PPP2R2B: variants seen among roughly 807,000 people sequenced by gnomAD.
PPP2R2B encodes the protein protein phosphatase 2 regulatory subunit Bbeta.
In PPP2R2B, 5 loss-of-function variants were observed where a neutral mutation model predicts 46.0. The observed-to-expected ratio is 0.11, with a 90% CI of 0.06 to 0.23. The LOEUF (loss-of-function observed/expected upper bound fraction) is 0.23, where lower values mean the gene tolerates loss of function less well. Among genes scored for constraint, PPP2R2B ranks in the 10% least tolerant of loss-of-function variants. The pLI, the probability that PPP2R2B is intolerant of heterozygous loss-of-function variation, is 1.00. For synonymous variants in PPP2R2B, 215 were observed against 206.7 expected (o/e 1.04, Z -0.34); for missense variants, 367 against 575.0 (o/e 0.64, Z 3.70).
chr5:146,742,869 C>T (rs757839307), intron 2 of PPP2R2B, among the ~76,000 whole-genome samples: 13 of 151,984 alleles, frequency 8.6e-5, no homozygotes, highest in Admixed American at 1.3e-4. Flanking sequence ...CACATGAAGG[C>T]GATGAAGGCG....
Position 146,861,051 on chromosome 5 carries a change from TTTC to T in PPP2R2B, c.70+16948_70+16950del, listed in dbSNP as rs1292746729. Among the ~76,000 whole-genome samples, 14 of 98,550 alleles carry T rather than the reference TTTC, an allele frequency of 1.4e-4. 1 individual carries two copies. Among genetic ancestry groups the T allele is most frequent in the Non-Finnish European group, 1.5e-4 (8 of 52,258 alleles). 64.7% of individuals were successfully genotyped at this position (98,550 alleles called of 152,430 possible). ...CTCTTCCAGCATTCAAACTGAATTT[TTTC>T]TTTTTTTTTTTTTTTTTTTTGAGAC... On this transcript the variant is annotated intron_variant, in intron 2 of 9. Coordinates refer to ENST00000394411, the MANE Select transcript of PPP2R2B (RefSeq NM_181675.4).
intron 4 of PPP2R2B, 76 bp downstream of exon 4, chr5:146,697,903 T>G: frequency 2.1e-6 from 3 of 1,401,844 alleles, no homozygotes; most frequent in Non-Finnish European, 2.9e-6. Context: ...TCAAAGGAAA[T>G]TGAGGTTAAG....
At chr5:146,785,513 A>G (rs1349457752) in intron 2 of PPP2R2B, among the ~76,000 whole-genome samples, 1 of 152,154 alleles carries the variant, frequency 6.6e-6, no homozygotes, top group Non-Finnish European at 1.5e-5. Context: ...GTACCACTGC[A>G]CTCCAGCCTG....
chr5:146,673,003 G>C (rs1561820540), intron 5 of PPP2R2B, among the ~76,000 whole-genome samples: 1 of 152,140 alleles, frequency 6.6e-6, no homozygotes, highest in African/African-American at 2.4e-5. Flanking sequence ...AGACTGTTTG[G>C]AATTTTATTC....
At chr5:146,592,116 C>A in intron 9 of PPP2R2B, 1 of 444,274 alleles carries the variant, frequency 2.3e-6, no homozygotes, top group South Asian at 1.6e-5. Context: ...TCTTATGTCA[C>A]AGTTGCTTTG....
At chr5:146,720,232 T>C (rs776064709) in intron 2 of PPP2R2B, among the ~76,000 whole-genome samples, 1 of 152,102 alleles carries the variant, frequency 6.6e-6, no homozygotes, top group African/African-American at 2.4e-5. Context: ...AGTGCAAGTA[T>C]GGAATGAAAA....
intron 1 of PPP2R2B, among the ~76,000 whole-genome samples, chr5:146,932,458 C>T (rs1763999247): frequency 6.6e-6 from 1 of 152,068 alleles, no homozygotes; most frequent in Admixed American, 6.6e-5. Flanking sequence ...CAGGAGGTCT[C>T]ATGGTTTTAA....
At chr5:147,063,046 A>G (rs1191501719) in intron 2 of PPP2R2B, among the ~76,000 whole-genome samples, 2 of 145,712 alleles carry the variant, frequency 1.4e-5, no homozygotes, top group African/African-American at 5.1e-5. Context: ...AGGAAGGAAG[A>G]GAAGGGAAGG....
At chr5:146,841,458 T>C (rs749513045) in intron 2 of PPP2R2B, among the ~76,000 whole-genome samples, 1 of 152,082 alleles carries the variant, frequency 6.6e-6, no homozygotes, top group Non-Finnish European at 1.5e-5. Context: ...TTTCTGATTG[T>C]GAAAATTCCT....
At chr5:146,933,168 T>C (rs1369262002) in intron 1 of PPP2R2B, among the ~76,000 whole-genome samples, 5 of 152,218 alleles carry the variant, frequency 3.3e-5, no homozygotes, top group African/African-American at 9.6e-5. Flanking sequence ...AGATTTCAAG[T>C]AACAGGGATT....
intron 1 of PPP2R2B, among the ~76,000 whole-genome samples, chr5:146,910,716 A>G (rs962305418): frequency 8.5e-5 from 13 of 152,220 alleles, no homozygotes; most frequent in African/African-American, 3.1e-4. Flanking sequence ...GTATTGTACA[A>G]TTTGATCATG....
intron 6 of PPP2R2B, among the ~76,000 whole-genome samples, chr5:146,645,363 TAA>T (rs1256390212): frequency 2.6e-5 from 4 of 151,928 alleles, no homozygotes. Flanking sequence ...CTTAAGAGCT[TAA>T]AAAAAAGTCA....
chr5:146,803,527 G>GA (rs1274080403), intron 2 of PPP2R2B, among the ~76,000 whole-genome samples: 9 of 151,936 alleles, frequency 5.9e-5, no homozygotes, highest in Non-Finnish European at 7.4e-5. Context: ...GGTATCAGGA[G>GA]AAAAAAACAC....
At chr5:146,624,587 G>T (rs114558005) in intron 7 of PPP2R2B, among the ~76,000 whole-genome samples, 2,381 of 152,162 alleles carry the variant, frequency 0.016, 77 homozygotes, top group African/African-American at 0.052. Context: ...TTCCTCCTGA[G>T]GCTTCATTCT....
At chr5:146,970,621 G>GAAT (rs1299015901) in intron 1 of PPP2R2B, among the ~76,000 whole-genome samples, 1 of 151,976 alleles carries the variant, frequency 6.6e-6, no homozygotes, top group African/African-American at 2.4e-5. Flanking sequence ...AGAAGAAGAA[G>GAAT]AAGGGAAGAC....
intron 1 of PPP2R2B, among the ~76,000 whole-genome samples, chr5:147,012,754 C>A (rs1273437274): frequency 6.6e-6 from 1 of 151,530 alleles, no homozygotes; most frequent in South Asian, 2.1e-4. Context: ...GCTTTGAATG[C>A]GTCCCAGAGA....
chr5:146,847,167 A>G (rs1457564041), intron 2 of PPP2R2B, among the ~76,000 whole-genome samples: 2 of 152,184 alleles, frequency 1.3e-5, no homozygotes, highest in Non-Finnish European at 2.9e-5. Flanking sequence ...TTCTACCTCT[A>G]TCTCATTGTT....
At chr5:146,639,466 G>A (rs1775050056) in intron 6 of PPP2R2B, among the ~76,000 whole-genome samples, 1 of 152,066 alleles carries the variant, frequency 6.6e-6, no homozygotes, top group African/African-American at 2.4e-5. Context: ...CCCTTCACTG[G>A]GATGTCTGGC....
chr5:146,638,786 G>T (rs1473469690), intron 6 of PPP2R2B, among the ~76,000 whole-genome samples: 2 of 152,180 alleles, frequency 1.3e-5, no homozygotes, highest in Non-Finnish European at 2.9e-5. Flanking sequence ...TAAGGTACTG[G>T]TCCTATTATA....
Sources: gnomAD v4.1 joint callset for allele counts (sites outside exome capture counted in the v4.1 genomes callset) on GRCh38, gnomAD v4.1.1 for gene constraint, MANE v1.5 for transcripts, NCBI Gene and HGNC (gene_info 2026-07-23, HGNC 2026-07-21) for gene names.